The following GDF1 variants were observed in gnomAD, a reference collection of about 807,000 sequenced individuals.
GDF1 encodes the protein growth differentiation factor 1, also known as embryonic growth/differentiation factor 1.
In GDF1, 8 loss-of-function variants were observed where a neutral mutation model predicts 7.4. The observed-to-expected ratio is 1.09, with a 90% confidence interval of 0.64 to 1.96. The LOEUF (loss-of-function observed/expected upper bound fraction) is 1.96. Among genes scored for constraint, GDF1 ranks in the 30% most tolerant of loss-of-function variants. GDF1 has a pLI of 0.00. For missense variants in GDF1, 574 were observed against 551.5 expected, an observed-to-expected ratio of 1.04 and a Z score of -0.41; for synonymous variants, 311 against 276.7, an observed-to-expected ratio of 1.12 and a Z score of -1.23.
chr19:18,879,536 C>T, intron 4 of GDF1, 148 bp from the exon 5 acceptor site: 5 of 997,678 alleles, frequency 5.0e-6, no homozygotes, highest in Non-Finnish European at 7.2e-6. Context: ...CTCTGTCCTT[C>T]CCCTCCCCTG....
chr19:18,874,820 TG>T (rs1254300361), intron 6 of GDF1, among the ~76,000 whole-genome samples: 3 of 151,988 alleles, frequency 2.0e-5, no homozygotes, highest in South Asian at 4.2e-4. Context: ...GAAGCAGCAA[TG>T]GGGTGAGATG....
chr19:18,868,932 C>G lies in GDF1; in HGVS notation c.784G>C (p.Gly262Arg), dbSNP rs1280087615. Residue 262 changes from glycine (G) to arginine (R), a missense_variant, in exon 8 of 8, where the codon GGC (glycine) becomes CGC (arginine). By Grantham distance (125) the Gly-to-Arg change is moderately radical. Transcript: ENST00000247005. ...RRDAEPVLGG[G>R]PGGACRARRL... ...CGCGCGCGACAAGCGCCCCCGGGGC[C>G]GCCGCCCAACACGGGTTCGGCGTCG... is the stretch of plus-strand genomic sequence containing the variant. 3.8e-6 allele frequency: 5 copies of G among 1,318,574 alleles called. No individual in the cohort carries two copies. The highest frequency in any genetic ancestry group is 3.9e-6 in the Non-Finnish European group (4 of 1,025,394). 81.7% of individuals were successfully genotyped at this position (1,318,574 alleles called of 1,614,324 possible). A position where few individuals can be genotyped will look rare whatever the true frequency, so the allele number is the denominator to read the frequency against.
chr19:18,890,111 C>A (rs1174825361), intron 2 of GDF1, among the ~76,000 whole-genome samples: 1 of 152,198 alleles, frequency 6.6e-6, no homozygotes, highest in Non-Finnish European at 1.5e-5. Context: ...TGACCGTGGC[C>A]TCCGAGGCCT....
chr19:18,888,519 T>TAAAAAAAAAAAA (rs781426705), intron 2 of GDF1, among the ~76,000 whole-genome samples: 1 of 59,030 alleles, frequency 1.7e-5, no homozygotes, highest in African/African-American at 7.6e-5. Flanking sequence ...CCCTGTCTCT[T>TAAAAAAAAAAAA]AAAAAAAAAA....
intron 2 of GDF1, among the ~76,000 whole-genome samples, chr19:18,886,122 C>T (rs950546718): frequency 2.0e-5 from 3 of 150,468 alleles, no homozygotes; most frequent in Non-Finnish European, 4.4e-5. Context: ...GGGCTATGCT[C>T]TGGACGGGCA....
chr19:18,869,902 G>A, intron 7 of GDF1, 81 bp downstream of exon 7: 1 of 1,391,730 alleles, frequency 7.2e-7, no homozygotes, highest in Non-Finnish European at 9.9e-7. Context: ...GAGCTGCTCG[G>A]GCATCCCCGG....
chr19:18,884,096 T>G lies in GDF1; in HGVS notation c.-742A>C. On this transcript the variant is annotated 5_prime_UTR_variant, in exon 3 of 8. Coordinates refer to ENST00000247005, the MANE Select transcript of GDF1 (RefSeq NM_001492.6). ...CCGATCCTGTCCTTACCGGAAGGCG[T>G]AGGAGGAGACGATGAGGATGAGAGT... The G allele has an allele frequency of 6.2e-7, 1 of 1,612,442 alleles. No homozygotes were observed. Among genetic ancestry groups the G allele is most frequent in the African/African-American group, 1.3e-5 (1 of 74,920 alleles).
chr19:18,869,800 T>C (rs2055931405), intron 7 of GDF1, among the ~76,000 whole-genome samples, 183 bp downstream of exon 7: 1 of 152,004 alleles, frequency 6.6e-6, no homozygotes, highest in Non-Finnish European at 1.5e-5. Context: ...CCCCCTGACA[T>C]GTGTCCCCGG....
intron 2 of GDF1, among the ~76,000 whole-genome samples, chr19:18,889,925 A>G (rs2056451079): frequency 6.6e-6 from 1 of 152,094 alleles, no homozygotes; most frequent in African/African-American, 2.4e-5. Context: ...TCTGCCTTCT[A>G]AACATTTCTA....
At position 18,883,992 on chromosome 19, in the gene GDF1, C is replaced by T; in HGVS notation, c.-733+95G>A. The T allele has an allele frequency of 2.2e-6, 3 of 1,334,326 alleles. No homozygotes were observed. In the South Asian group the frequency reaches 4.2e-5, roughly 19 times the overall value. The allele number at this position is 1,334,326 out of a possible 1,614,324, so 82.7% of individuals were successfully genotyped here. A position where few individuals can be genotyped will look rare whatever the true frequency, so the allele number is the denominator to read the frequency against. On this transcript the variant is annotated intron_variant, in intron 3 of 7. Transcript: ENST00000247005. ...CTGAGCACTCCGACCTGATGTGATC[C>T]CCTCCACGGCCTCCTCTGTGCCCCG...
chr19:18,893,799 G>A (rs1220343676), intron 1 of GDF1, among the ~76,000 whole-genome samples: 2 of 152,120 alleles, frequency 1.3e-5, no homozygotes, highest in Non-Finnish European at 2.9e-5. Context: ...GGAGGGGAGT[G>A]AGGGGGGAGG....
At chr19:18,880,524 A>G in intron 3 of GDF1, 89 bp from the exon 4 acceptor site, 1 of 1,325,960 alleles carries the variant, frequency 7.5e-7, no homozygotes, top group Non-Finnish European at 1.0e-6. Flanking sequence ...TCCCTGGGCT[A>G]CACCTCAGGC....
chr19:18,884,200 A>AT lies in GDF1; in HGVS notation c.-847dup. ...ATAGCGTAGCGTAGATGGAGTGGCC[A>AT]TAGAAGCTTCCCTGGAGCAGGTAGG... On this transcript the variant is annotated 5_prime_UTR_variant, in exon 3 of 8. It adds an upstream start codon to the 5' untranslated region. Coordinates refer to ENST00000247005, the MANE Select transcript of GDF1 (RefSeq NM_001492.6). 1 of 1,613,594 alleles carries AT rather than the reference A, an allele frequency of 6.2e-7. No homozygotes were observed. Among genetic ancestry groups the AT allele is most frequent in the South Asian group, 1.1e-5 (1 of 91,052 alleles).
Position 18,895,722 on chromosome 19 carries a change from C to A in GDF1, c.-1074+102G>T. The A allele has an allele frequency of 1.7e-6, 1 of 588,866 alleles. No homozygotes were observed. The highest frequency in any genetic ancestry group is 2.3e-6 in the Non-Finnish European group (1 of 429,698). The allele number at this position is 588,866 out of a possible 1,614,324, so 36.5% of individuals were successfully genotyped here. A position where few individuals can be genotyped will look rare whatever the true frequency, so the allele number is the denominator to read the frequency against. On this transcript the variant is annotated intron_variant, in intron 1 of 7. Coordinates refer to ENST00000247005, the MANE Select transcript of GDF1 (RefSeq NM_001492.6). This position sits in a 1 kb window ranked among gnomAD's most constrained non-coding sequence, Gnocchi z 6.4. Reference sequence around the variant, plus strand: ...GTTCCGGCGACCCCTTCATCCGCAGCAGCCAGCGCTGGAAGAAAGGAACGC... The same window carrying A: ...GTTCCGGCGACCCCTTCATCCGCAGAAGCCAGCGCTGGAAGAAAGGAACGC...
chr19:18,868,661 T>C lies in GDF1; in HGVS notation c.1055A>G (p.Asn352Ser), dbSNP rs1318628871. 5.1e-6 allele frequency: 8 copies of C among 1,575,332 alleles called. No homozygotes were observed. Among genetic ancestry groups the C allele is most frequent in the Non-Finnish European group, 5.2e-6 (6 of 1,160,492 alleles). ...LSPISVLFFD[N>S]SDNVVLRQYE... ...CTGCCGCAGCACCACGTTGTCGCTG[T>C]TGTCAAAGAAGAGCACGGAGATGGG... Residue 352 changes from asparagine to serine, a missense_variant, in exon 8 of 8, where the codon AAC becomes AGC. By Grantham distance (46) the Asn-to-Ser change is conservative. Transcript: ENST00000247005.
chr19:18,870,235 G>C lies in GDF1; in HGVS notation c.73C>G (p.Pro25Ala). ...GGGGGCACGGGGGCGCGGGTCAGGG[G>C]CAGCGAGGGCAGCAGCAGGGCCAGG... is the stretch of plus-strand genomic sequence containing the variant. ...LLLALLLPSL[P>A]LTRAPVPPGP... Residue 25 changes from proline (P) to alanine (A), a missense_variant, in exon 7 of 8, where the codon CCC (proline) becomes GCC (alanine). By Grantham distance (27) the Pro-to-Ala change is conservative. Transcript: ENST00000247005. The surrounding 1 kb of genome is among the most constrained non-coding windows in gnomAD (Gnocchi z 5.1). 1 of 1,552,698 alleles carries C rather than the reference G, an allele frequency of 6.4e-7. No individual in the cohort carries two copies. Among genetic ancestry groups the C allele is most frequent in the Non-Finnish European group, 8.7e-7 (1 of 1,152,490 alleles).
At position 18,878,216 on chromosome 19, in the gene GDF1, C is replaced by A; in HGVS notation, c.-313+714G>T. On this transcript the variant is annotated intron_variant, in intron 6 of 7. Coordinates refer to ENST00000247005, the MANE Select transcript of GDF1 (RefSeq NM_001492.6). This position sits in a 1 kb window ranked among gnomAD's most constrained non-coding sequence, Gnocchi z 4.6. ...CTGCCCCGGCTCCTGCTCAAACACT[C>A]CTCACGTTGCCTATGAGACACTGCA... is the stretch of plus-strand genomic sequence containing the variant. 2.0e-6 allele frequency: 2 copies of A among 985,658 alleles called. No homozygotes were observed. Among genetic ancestry groups the A allele is most frequent in the Non-Finnish European group, 2.4e-6 (2 of 830,154 alleles). 61.1% of individuals were successfully genotyped at this position (985,658 alleles called of 1,614,324 possible). A position where few individuals can be genotyped will look rare whatever the true frequency, so the allele number is the denominator to read the frequency against.
chr19:18,889,031 A>C (rs970224530), intron 2 of GDF1, among the ~76,000 whole-genome samples: 1 of 150,874 alleles, frequency 6.6e-6, no homozygotes, highest in Non-Finnish European at 1.5e-5. Flanking sequence ...AACTGGGATT[A>C]CAGGCATGCA....
intron 2 of GDF1, 150 bp from the exon 3 acceptor site, chr19:18,884,417 AT>A (rs11297387): frequency 0.4 from 221,553 of 555,256 alleles, 15,542 homozygotes; most frequent in African/African-American, 0.47. Flanking sequence ...TCCCAATTCT[AT>A]TTTTTTTTTT....
Sources: allele counts gnomAD v4.1 joint callset (sites outside exome capture counted in the v4.1 genomes callset), GRCh38; gene constraint gnomAD v4.1.1; non-coding constraint Gnocchi (gnomAD v3.1); transcripts MANE v1.5; gene names NCBI Gene and HGNC (gene_info 2026-07-23, HGNC 2026-07-21).